Variants in TACC1 observed in about 807,000 individuals in gnomAD.
TACC1 encodes transforming acidic coiled-coil containing protein 1, also known as transforming acidic coiled-coil-containing protein 1.
TACC1 carries 48 observed loss-of-function variants against 84.4 expected under a neutral mutation model. The observed-to-expected ratio is 0.57, with a 90% CI of 0.45 to 0.72. The LOEUF is 0.72. Among genes scored for constraint, TACC1 ranks in the 30% least tolerant of loss-of-function variants. The pLI, the probability that TACC1 is intolerant of heterozygous loss-of-function variation, is 0.00. For synonymous variants in TACC1, 372 were observed against 376.3 expected, an observed-to-expected ratio of 0.99 and a Z score of 0.13; for missense variants, 920 against 973.0, an observed-to-expected ratio of 0.95 and a Z score of 0.72.
intron 9 of TACC1, 78 bp from the exon 10 acceptor site, chr8:38,842,209 A>G (rs1226549692): frequency 1.6e-5 from 24 of 1,518,156 alleles, no homozygotes. Context: ...TGTCCCTACC[A>G]CGAGAACACT....
intron 3 of TACC1, among the ~76,000 whole-genome samples, chr8:38,750,796 TA>T (rs1352752219): frequency 2.0e-5 from 3 of 152,232 alleles, no homozygotes; most frequent in Non-Finnish European, 4.4e-5. Context: ...AAGATCTGCA[TA>T]AATGAACAGC....
At chr8:38,782,116 C>T (rs1816128115) in intron 3 of TACC1, among the ~76,000 whole-genome samples, 1 of 151,480 alleles carries the variant, frequency 6.6e-6, no homozygotes, top group East Asian at 1.9e-4. Context: ...GTGCGCTGCA[C>T]CCACTAACTC....
chr8:38,810,857 C>G (rs558242456), intron 2 of TACC1, among the ~76,000 whole-genome samples: 5 of 152,146 alleles, frequency 3.3e-5, no homozygotes, highest in Non-Finnish European at 5.9e-5. Flanking sequence ...TGGCTCACAC[C>G]TGTAATACTA....
At chr8:38,815,253 C>T (rs949794870) in intron 2 of TACC1, among the ~76,000 whole-genome samples, 1 of 152,182 alleles carries the variant, frequency 6.6e-6, no homozygotes, top group Non-Finnish European at 1.5e-5. Flanking sequence ...TAAAAGGTCA[C>T]GTGTATTAAG....
At position 38,790,790 on chromosome 8, in the gene TACC1, G is replaced by A. The variant is rs1818465530; in HGVS notation, c.277+1971G>A. ...AGCTCCATGCTGTGCTTACCCAGCT[G>A]AGAATTCAGCAATACCCTCAACTTG... On this transcript the variant is annotated intron_variant, in intron 2 of 12. Transcript: ENST00000317827. 2.6e-5 allele frequency among the ~76,000 whole-genome samples: 4 copies of A among 152,194 alleles called. No individual in the cohort carries two copies. The South Asian group carries it at 8.3e-4, about 31-fold the overall frequency.
At chr8:38,740,783 C>T (rs987715213) in intron 1 of TACC1, among the ~76,000 whole-genome samples, 8 of 152,328 alleles carry the variant, frequency 5.3e-5, no homozygotes, top group African/African-American at 1.9e-4. Flanking sequence ...TTTGCAGGCA[C>T]AGAGTCATTT....
At chr8:38,775,403 C>T (rs1814622497) in intron 3 of TACC1, among the ~76,000 whole-genome samples, 1 of 152,180 alleles carries the variant, frequency 6.6e-6, no homozygotes, top group African/African-American at 2.4e-5. Context: ...GTTAAGGCTA[C>T]TATAAGGATA....
rs1832379084 is a variant in TACC1, at chr8:38,846,708, A to G, written c.2238A>G (p.Glu746=). The G allele has an allele frequency of 1.2e-6, 2 of 1,614,164 alleles. No individual in the cohort carries two copies. Among genetic ancestry groups the G allele is most frequent in the Non-Finnish European group, 1.7e-6 (2 of 1,180,032 alleles). The change falls in exon 12 of 13, where the codon GAA becomes GAG. Residue 746 remains glutamate (E), a synonymous_variant. Transcript: ENST00000317827. ...CAAACACCATAAACAGAGCCAATGA[A>G]GAGATTGCTCAGGTTCGAACAAAAG... The part of the protein sequence containing the change: ...HAEEKLDKAN[E]EIAQVRTKAK...
intron 2 of TACC1, among the ~76,000 whole-genome samples, chr8:38,795,346 T>G (rs978930839): frequency 6.6e-6 from 1 of 152,144 alleles, no homozygotes; most frequent in Admixed American, 6.5e-5. Flanking sequence ...TTAAGATGAG[T>G]GACAAAATCA....
rs1052922490 is a variant in TACC1, at chr8:38,819,783, G to C, written c.539G>C (p.Gly180Ala). 2.5e-6 allele frequency: 4 copies of C among 1,613,842 alleles called. No individual in the cohort carries two copies. In the African/African-American group the frequency reaches 4.0e-5, roughly 16 times the overall value. Reference sequence around the variant, plus strand: ...CATGGCTGTGTAACTGCAGTCTCAGGCAAGGCTCTGCCTTCCAGCCCGCCA... The same window carrying C: ...CATGGCTGTGTAACTGCAGTCTCAGCCAAGGCTCTGCCTTCCAGCCCGCCA... ...AAHGCVTAVS[G>A]KALPSSPPDA... Residue 180 changes from glycine to alanine, a missense_variant, in exon 3 of 13, where the codon GGC becomes GCC. Transcript: ENST00000317827.
chr8:38,813,318 T>C (rs1354420118), intron 2 of TACC1, among the ~76,000 whole-genome samples: 1 of 152,208 alleles, frequency 6.6e-6, no homozygotes, highest in Admixed American at 6.5e-5. Context: ...GAAACTGTTA[T>C]GGCCATGAAG....
intron 2 of TACC1, among the ~76,000 whole-genome samples, chr8:38,802,829 A>G (rs1821718888): frequency 6.6e-6 from 1 of 152,174 alleles, no homozygotes; most frequent in Non-Finnish European, 1.5e-5. Context: ...GAGGAGAGCT[A>G]ATAGAATGAG....
At chr8:38,835,346 C>T (rs1563911835) in intron 6 of TACC1, among the ~76,000 whole-genome samples, 1 of 152,114 alleles carries the variant, frequency 6.6e-6, no homozygotes, top group African/African-American at 2.4e-5. Context: ...TCCATGTTCT[C>T]ATGAAAAGAA....
chr8:38,779,060 G>A (rs1815429336), intron 3 of TACC1, among the ~76,000 whole-genome samples: 1 of 150,560 alleles, frequency 6.6e-6, no homozygotes, highest in African/African-American at 2.4e-5. Context: ...GCTTACTTCA[G>A]CCTTGACCTT....
chr8:38,791,348 G>C (rs1818608005), intron 2 of TACC1, among the ~76,000 whole-genome samples: 1 of 152,204 alleles, frequency 6.6e-6, no homozygotes, highest in Non-Finnish European at 1.5e-5. Context: ...TGTAGGGGTA[G>C]AGGAGTGTCC....
At chr8:38,836,404 C>G in intron 7 of TACC1, 117 bp downstream of exon 7, 4 of 1,433,664 alleles carry the variant, frequency 2.8e-6, no homozygotes, top group Non-Finnish European at 3.8e-6. Flanking sequence ...GTTCTTATTA[C>G]CTGCAGCTTG....
intron 1 of TACC1, 62 bp downstream of exon 1, chr8:38,787,805 C>G: frequency 2.1e-6 from 3 of 1,409,314 alleles, no homozygotes; most frequent in African/African-American, 1.5e-5. Flanking sequence ...CTGCGACTCC[C>G]TCTGTGTGCG....
At chr8:38,756,425 G>A (rs941072198) in intron 3 of TACC1, among the ~76,000 whole-genome samples, 1 of 152,166 alleles carries the variant, frequency 6.6e-6, no homozygotes, top group Non-Finnish European at 1.5e-5. Flanking sequence ...AAAAGCGCTA[G>A]AATAAGGACA....
At chr8:38,797,395 A>G (rs1445514200) in intron 2 of TACC1, among the ~76,000 whole-genome samples, 1 of 152,234 alleles carries the variant, frequency 6.6e-6, no homozygotes, top group Non-Finnish European at 1.5e-5. Flanking sequence ...TAGATGGCAA[A>G]GCTTTTCCCA....
Sources: gnomAD v4.1 joint callset for allele counts (sites outside exome capture counted in the v4.1 genomes callset) on GRCh38, gnomAD v4.1.1 for gene constraint, MANE v1.5 for transcripts, NCBI Gene and HGNC (gene_info 2026-07-23, HGNC 2026-07-21) for gene names.